The following TASP1 variants were observed in gnomAD, a reference collection of about 807,000 sequenced individuals.
TASP1 encodes the protein threonine aspartase 1.
Under a neutral mutation model 56.6 loss-of-function variants are expected in TASP1, and 16 were observed. The ratio of observed to expected loss-of-function variants is 0.28; its 90% confidence interval spans 0.19 to 0.43. The LOEUF is 0.43. Ranked by LOEUF, TASP1 falls within the 20% of genes least tolerant of loss-of-function variation. The probability of loss-of-function intolerance (pLI) is 1.00; values close to 1 mark genes in which losing one functional copy is unlikely to be tolerated. For missense variants in TASP1, 393 were observed against 511.6 expected (o/e 0.77, Z 2.24); for synonymous variants, 179 against 184.2 (o/e 0.97, Z 0.23).
the TASP1 span, among the ~76,000 whole-genome samples, chr20:13,202,824 T>A: frequency 6.6e-6 from 1 of 152,216 alleles, no homozygotes; most frequent in African/African-American, 2.4e-5. Context: ...GTTGGCCACC[T>A]GTGAGTGGTT....
chr20:13,612,001 G>A (rs2048361899), intron 4 of TASP1, among the ~76,000 whole-genome samples: 1 of 152,180 alleles, frequency 6.6e-6, no homozygotes, highest in Admixed American at 6.5e-5. Flanking sequence ...TTCTTCAGAT[G>A]CAAAATCTAA....
intron 12 of TASP1, among the ~76,000 whole-genome samples, chr20:13,425,683 C>T (rs1431533076): frequency 6.6e-6 from 1 of 152,092 alleles, no homozygotes; most frequent in Admixed American, 6.6e-5. Context: ...TTAAGTTACT[C>T]CTTATTGAAT....
At chr20:13,481,365 C>A (rs1476141140) in intron 11 of TASP1, among the ~76,000 whole-genome samples, 1 of 152,042 alleles carries the variant, frequency 6.6e-6, no homozygotes, top group African/African-American at 2.4e-5. Flanking sequence ...CTATTGTGAA[C>A]GCTGCCACAA....
chr20:13,347,004 T>C, the TASP1 span, among the ~76,000 whole-genome samples: 1 of 152,250 alleles, frequency 6.6e-6, no homozygotes, highest in Non-Finnish European at 1.5e-5. Context: ...ATGTAGTCAT[T>C]TAAAATTATG....
At chr20:13,123,387 T>C in the TASP1 span, among the ~76,000 whole-genome samples, 22,409 of 151,866 alleles carry the variant, frequency 0.15, 2,771 homozygotes, top group African/African-American at 0.34. Flanking sequence ...GTGTACCAGA[T>C]GCTTTTCTAA....
chr20:13,121,104 T>C, the TASP1 span, among the ~76,000 whole-genome samples: 6 of 152,198 alleles, frequency 3.9e-5, no homozygotes, highest in African/African-American at 1.4e-4. Context: ...GGAAATGTGG[T>C]CAATGCCGAA....
the TASP1 span, among the ~76,000 whole-genome samples, chr20:13,151,643 C>T: frequency 6.6e-6 from 1 of 152,326 alleles, no homozygotes; most frequent in East Asian, 1.9e-4. Context: ...CATTTCTCTG[C>T]ATATACCATA....
chr20:13,377,059 C>A, the TASP1 span, among the ~76,000 whole-genome samples: 21 of 152,116 alleles, frequency 1.4e-4, no homozygotes, highest in Non-Finnish European at 3.1e-4. Context: ...ATTTGAATAC[C>A]CTTTATTTCT....
At chr20:13,549,149 C>T (rs2045898681) in intron 8 of TASP1, among the ~76,000 whole-genome samples, 1 of 152,152 alleles carries the variant, frequency 6.6e-6, no homozygotes, top group African/African-American at 2.4e-5. Context: ...AGTCTCTGGA[C>T]TGGCTTATAA....
the TASP1 span, among the ~76,000 whole-genome samples, chr20:13,321,253 T>TAAAAAAAAAAAAAAAAAAAAAAAAAA: frequency 1.0e-4 from 6 of 57,522 alleles, no homozygotes; most frequent in African/African-American, 1.5e-4. Context: ...GTGCCCCACA[T>TAAAAAAAAAAAAAAAAAAAAAAAAAA]AAAAAAAAAA....
rs1014553906 is a variant in TASP1 at position 13,565,139 on chromosome 20, T to G, written c.568+4368A>C. Among the ~76,000 whole-genome samples the G allele has an allele frequency of 4.6e-5, 7 of 152,004 alleles. No homozygotes were observed. In the South Asian group the frequency reaches 1.5e-3, roughly 32 times the overall value. ...TGACGAGGGTACTAGCACCATTCAA[T>G]AGGGAAACAACAGTCTTCAACAAAC... is the stretch of plus-strand genomic sequence containing the variant. On this transcript the variant is annotated intron_variant, in intron 7 of 13. Transcript: ENST00000337743.
the TASP1 span, among the ~76,000 whole-genome samples, chr20:13,362,941 C>A: frequency 2.6e-5 from 4 of 151,528 alleles, no homozygotes; most frequent in Non-Finnish European, 5.9e-5. Context: ...AATATTTGGT[C>A]TCTGTCCTGG....
At chr20:13,250,517 G>C in the TASP1 span, among the ~76,000 whole-genome samples, 2 of 152,190 alleles carry the variant, frequency 1.3e-5, no homozygotes, top group Non-Finnish European at 2.9e-5. Flanking sequence ...AGCATGCCAG[G>C]CAGCTTCCAA....
downstream of TASP1, among the ~76,000 whole-genome samples, chr20:13,388,094 G>GAAATCA (rs1443688053): frequency 4.6e-5 from 7 of 151,966 alleles, no homozygotes; most frequent in Admixed American, 6.6e-5. Flanking sequence ...ACCTTACAAA[G>GAAATCA]AAATCAAATA....
intron 13 of TASP1, among the ~76,000 whole-genome samples, chr20:13,405,594 T>C (rs2041885640): frequency 6.6e-6 from 1 of 152,166 alleles, no homozygotes; most frequent in Non-Finnish European, 1.5e-5. Flanking sequence ...TTGCCCAGGC[T>C]GGGGTGCAGT....
chr20:13,590,242 A>G (rs1171241942), intron 4 of TASP1, among the ~76,000 whole-genome samples: 3 of 152,200 alleles, frequency 2.0e-5, no homozygotes, highest in Admixed American at 1.3e-4. Context: ...TCAAAAAAAG[A>G]AAAAGAAAAA....
At chr20:13,419,866 C>T (rs1055287506) in intron 12 of TASP1, among the ~76,000 whole-genome samples, 34 of 152,318 alleles carry the variant, frequency 2.2e-4, no homozygotes, top group African/African-American at 8.2e-4. Flanking sequence ...AAAAGTGTCA[C>T]GCAATGAAGC....
the TASP1 span, among the ~76,000 whole-genome samples, chr20:13,381,167 C>A: frequency 6.6e-6 from 1 of 152,174 alleles, no homozygotes; most frequent in Non-Finnish European, 1.5e-5. Flanking sequence ...CCCAAACAGC[C>A]GCCCAGTTTT....
the TASP1 span, among the ~76,000 whole-genome samples, chr20:13,220,998 G>T: frequency 6.6e-6 from 1 of 152,046 alleles, no homozygotes; most frequent in African/African-American, 2.4e-5. Context: ...CGCTGCCGCC[G>T]AGGGCGCCCC....
Sources: allele counts gnomAD v4.1 joint callset (sites outside exome capture counted in the v4.1 genomes callset), GRCh38; gene constraint gnomAD v4.1.1; transcripts MANE v1.5; gene names NCBI Gene and HGNC (gene_info 2026-07-23, HGNC 2026-07-21).